Variants in DICER1 observed in about 807,000 individuals in gnomAD.
The protein encoded by DICER1 is endoribonuclease Dicer.
DICER1 carries 43 observed loss-of-function variants against 194.1 expected under a neutral mutation model. That is an observed-to-expected ratio of 0.22 (90% CI 0.17 to 0.29). DICER1 has a LOEUF of 0.29. Ranked by LOEUF, DICER1 falls within the 10% of genes least tolerant of loss-of-function variation. The probability of loss-of-function intolerance (pLI) is 1.00; values close to 1 mark genes in which losing one functional copy is unlikely to be tolerated. For missense variants in DICER1, 1,608 were observed against 2,317.0 expected, an observed-to-expected ratio of 0.69 and a Z score of 6.28; for synonymous variants, 832 against 820.5, an observed-to-expected ratio of 1.01 and a Z score of -0.24.
chr14:95,111,649 T>G (rs185571059), intron 13 of DICER1, among the ~76,000 whole-genome samples, 193 bp from the exon 14 acceptor site: 3 of 152,294 alleles, frequency 2.0e-5, no homozygotes, highest in Admixed American at 6.5e-5. Context: ...TATTCCAATA[T>G]GAGCTGGACT....
chr14:95,086,282 A>T lies in DICER1; in HGVS notation c.*4216T>A, dbSNP rs1048717995. 2 of 232,754 alleles carry T rather than the reference A, an allele frequency of 8.6e-6. No homozygotes were observed. Among genetic ancestry groups the T allele is most frequent in the Non-Finnish European group, 1.7e-5 (2 of 117,854 alleles). 14.4% of individuals were successfully genotyped at this position (232,754 alleles called of 1,614,324 possible). On this transcript the variant is annotated 3_prime_UTR_variant, in exon 27 of 27. Transcript: ENST00000343455. ...ACTTGGCTACAATTATTACAAAAAAAACAACTAAAGGTAATTGTGATCCAT... is the reference window on the plus strand; with the variant it reads ...ACTTGGCTACAATTATTACAAAAAATACAACTAAAGGTAATTGTGATCCAT...
rs1470965129 is a variant in DICER1 at position 95,090,317 on chromosome 14, A to C, written c.*181T>G. ...AAAAACTAAAACTACAATTAGTTCC[A>C]AAATTTTATACATATGTTAAATGTT... is the stretch of plus-strand genomic sequence containing the variant. On this transcript the variant is annotated 3_prime_UTR_variant, in exon 27 of 27. Coordinates refer to ENST00000343455, the MANE Select transcript of DICER1 (RefSeq NM_177438.3). 2.9e-6 allele frequency: 2 copies of C among 690,824 alleles called. No homozygotes were observed. Among genetic ancestry groups the C allele is most frequent in the African/African-American group, 3.6e-5 (2 of 55,384 alleles). 42.8% of individuals were successfully genotyped at this position (690,824 alleles called of 1,614,324 possible).
chr14:95,111,775 G>C (rs976636347), intron 13 of DICER1, among the ~76,000 whole-genome samples: 4 of 103,822 alleles, frequency 3.9e-5, no homozygotes, highest in Non-Finnish European at 8.2e-5. Context: ...GCAGGATTGA[G>C]AAAAAAAAAA....
Position 95,096,675 on chromosome 14 carries a change from C to T in DICER1, c.4245G>A (p.Glu1415=), listed in dbSNP as rs373735840. The change falls in exon 23 of 27, where the codon GAG becomes GAA. Residue 1415 remains glutamate (E), a synonymous_variant. Coordinates refer to ENST00000343455, the MANE Select transcript of DICER1 (RefSeq NM_177438.3). ...DCMLANGKLD[E]DYEEEDEEEE... ...CCTCCTCATCCTCCTCCTCGTAATC[C>T]TCATCCAGTTTGCCATTCGCCAGCA... 7.4e-6 allele frequency: 12 copies of T among 1,612,836 alleles called. No individual in the cohort carries two copies. The African/African-American group carries it at 1.3e-4, about 18-fold the overall frequency.
At position 95,096,647 on chromosome 14, in the gene DICER1, C is replaced by T. The variant is rs2139853952; in HGVS notation, c.4273G>A (p.Glu1425Lys). 1 of 1,611,464 alleles carries T rather than the reference C, an allele frequency of 6.2e-7. No homozygotes were observed. The highest frequency in any genetic ancestry group is 8.5e-7 in the Non-Finnish European group (1 of 1,178,386). Residue 1425 changes from glutamate to lysine, a missense_variant, in exon 23 of 27, where the codon GAG becomes AAG. By Grantham distance (56) the Glu-to-Lys change is moderately conservative. Transcript: ENST00000343455. ...TTCGGAGCCCTCCACATCAGGCTCT[C>T]CTCCTCCTCATCCTCCTCCTCGTAA... ...EDYEEEDEEE[E>K]SLMWRAPKEE...
intron 14 of DICER1, among the ~76,000 whole-genome samples, chr14:95,110,112 A>G (rs1891820116): frequency 6.6e-6 from 1 of 152,228 alleles, no homozygotes; most frequent in Non-Finnish European, 1.5e-5. Context: ...TAAATCAGTT[A>G]AATTCCTCCA....
rs377268291 is a variant in DICER1 at position 95,124,152 on chromosome 14, C to G, written c.1376+44G>C. On this transcript the variant is annotated intron_variant, in intron 8 of 26. Coordinates refer to ENST00000343455, the MANE Select transcript of DICER1 (RefSeq NM_177438.3). The surrounding 1 kb of genome is among the most constrained non-coding windows in gnomAD (Gnocchi z 4.5). ...CAGCGCATCACATCACAACACAGGA[C>G]GCCTCCCTGTTCTCATGTGAAAGGA... The G allele has an allele frequency of 9.3e-6, 13 of 1,400,610 alleles. No individual in the cohort carries two copies. The Admixed American group carries it at 2.2e-4, about 24-fold the overall frequency. The allele number at this position is 1,400,610 out of a possible 1,614,324, so 86.8% of individuals were successfully genotyped here.
chr14:95,104,183 G>T, intron 20 of DICER1, 57 bp from the exon 21 acceptor site: 1 of 1,390,674 alleles, frequency 7.2e-7, no homozygotes, highest in Non-Finnish European at 1.0e-6. Context: ...TAGGCTGAGA[G>T]CAACAGCAAT....
At chr14:95,155,612 C>T (rs544335685) in intron 1 of DICER1, among the ~76,000 whole-genome samples, 1 of 152,300 alleles carries the variant, frequency 6.6e-6, no homozygotes, top group African/African-American at 2.4e-5. Context: ...AGGGCTTACC[C>T]TTCAAACATG....
Position 95,105,553 on chromosome 14 carries a change from T to G in DICER1, c.3093+125A>C, listed in dbSNP as rs1891340342. On this transcript the variant is annotated intron_variant, in intron 19 of 26. Coordinates refer to ENST00000343455, the MANE Select transcript of DICER1 (RefSeq NM_177438.3). The surrounding 1 kb of genome is among the most constrained non-coding windows in gnomAD (Gnocchi z 4.9). ...ACAAAACAAAACAAAATTTGAGGAT[T>G]AGGTAACTTCTAAAAAATTAACGAA... is the stretch of plus-strand genomic sequence containing the variant. 3.7e-6 allele frequency: 3 copies of G among 802,984 alleles called. No homozygotes were observed. Among genetic ancestry groups the G allele is most frequent in the Non-Finnish European group, 6.3e-6 (3 of 478,412 alleles). The allele number at this position is 802,984 out of a possible 1,614,324, so 49.7% of individuals were successfully genotyped here. A position where few individuals can be genotyped will look rare whatever the true frequency, so the allele number is the denominator to read the frequency against.
At chr14:95,095,581 T>C in intron 23 of DICER1, 3 of 527,220 alleles carry the variant, frequency 5.7e-6, no homozygotes, top group East Asian at 3.3e-5. Flanking sequence ...ATTAGGCAGA[T>C]ATAAAATGAC....
In DICER1 at chr14:95,094,089, A is replaced by G. The variant is rs756700070; in HGVS notation, c.5163T>C (p.Tyr1721=). 6.2e-6 allele frequency: 10 copies of G among 1,614,124 alleles called. No individual in the cohort carries two copies. The South Asian group carries it at 1.1e-4, about 18-fold the overall frequency. ...CCGGGGAGTGCTGCCGCGGGTCTTC[A>G]TAAAGGTGCTTGGTTATGAGGTAGT... ...ILDYLITKHL[Y]EDPRQHSPGV... is the part of the protein sequence containing the mutation. Residue 1721 remains tyrosine (Y), a synonymous_variant, in exon 24 of 27, where the codon TAT becomes TAC. Transcript: ENST00000343455.
At chr14:95,154,465 G>A (rs1472933860) in intron 1 of DICER1, among the ~76,000 whole-genome samples, 2 of 152,196 alleles carry the variant, frequency 1.3e-5, no homozygotes, top group African/African-American at 2.4e-5. Context: ...AAGTGGCCAT[G>A]GACAGATGAA....
intron 8 of DICER1, among the ~76,000 whole-genome samples, chr14:95,121,680 T>C (rs1169826595): frequency 3.9e-5 from 6 of 152,242 alleles, no homozygotes; most frequent in Non-Finnish European, 8.8e-5. Context: ...TGCCACTTGA[T>C]ATGTGTGTAA....
chr14:95,118,547 G>C (rs539196944), intron 8 of DICER1, among the ~76,000 whole-genome samples: 34 of 152,268 alleles, frequency 2.2e-4, no homozygotes, highest in South Asian at 1.5e-3. Context: ...CACAGTGCCT[G>C]TAACTGAAAG....
rs1595339539 is a variant in DICER1, at chr14:95,096,139, A to C, written c.4781T>G (p.Ile1594Ser). 1 of 1,614,080 alleles carries C rather than the reference A, an allele frequency of 6.2e-7. No homozygotes were observed. Among genetic ancestry groups the C allele is most frequent in the Non-Finnish European group, 8.5e-7 (1 of 1,180,042 alleles). The change falls in exon 23 of 27, where the codon ATT becomes AGT. Residue 1594 changes from isoleucine (I) to serine (S), a missense_variant. Ile to Ser is a moderately radical substitution (Grantham distance 142, BLOSUM62 -2). This residue lies in a region of DICER1 where 125 missense variants were observed against 134.9 expected (regional missense o/e 0.93). Coordinates refer to ENST00000343455, the MANE Select transcript of DICER1 (RefSeq NM_177438.3). The stretch of plus-strand genomic sequence containing the variant: ...GGCCTTTTCCCGATCAGTCCTTTTA[A>C]TTACCGGGAGCACCTTCAGCCCCAG... ...CSLGLKVLPV[I>S]KRTDREKALC...
rs1233927935 is a variant in DICER1, at chr14:95,086,248, T to C, written c.*4250A>G. 1 of 232,266 alleles carries C rather than the reference T, an allele frequency of 4.3e-6. No homozygotes were observed. Among genetic ancestry groups the C allele is most frequent in the Non-Finnish European group, 8.5e-6 (1 of 117,590 alleles). The allele number at this position is 232,266 out of a possible 1,614,324, so 14.4% of individuals were successfully genotyped here. On this transcript the variant is annotated 3_prime_UTR_variant, in exon 27 of 27. Coordinates refer to ENST00000343455, the MANE Select transcript of DICER1 (RefSeq NM_177438.3). ...CAAAGTGAACAGACGATAACTTTAT[T>C]GGAGATTTACTTGGCTACAATTATT...
At chr14:95,116,975 C>T (rs1892531488) in intron 9 of DICER1, among the ~76,000 whole-genome samples, 2 of 152,100 alleles carry the variant, frequency 1.3e-5, no homozygotes, top group African/African-American at 2.4e-5. Flanking sequence ...CAGACTGGCT[C>T]CTGGACTCTC....
intron 17 of DICER1, among the ~76,000 whole-genome samples, chr14:95,106,688 C>CA (rs1378347549): frequency 6.6e-6 from 1 of 151,552 alleles, no homozygotes; most frequent in Non-Finnish European, 1.5e-5. Flanking sequence ...AAAAAAAAAT[C>CA]AAAGATTGAA....
Sources: gnomAD v4.1 joint callset for allele counts (sites outside exome capture counted in the v4.1 genomes callset) on GRCh38, gnomAD v4.1.1 for gene constraint, gnomAD v4.1.1 regional missense constraint, Gnocchi (gnomAD v3.1) non-coding constraint, MANE v1.5 for transcripts, NCBI Gene and HGNC (gene_info 2026-07-23, HGNC 2026-07-21) for gene names.